MARCO: variants seen among roughly 807,000 people sequenced by gnomAD.
MARCO encodes the protein macrophage receptor MARCO.
MARCO carries 72 observed loss-of-function variants against 70.0 expected under a neutral mutation model. The observed-to-expected ratio is 1.03, with a 90% CI of 0.85 to 1.25. The LOEUF (loss-of-function observed/expected upper bound fraction) is 1.25, where lower values mean the gene tolerates loss of function less well. Among genes scored for constraint, MARCO ranks in the 50% most tolerant of loss-of-function variants. The pLI is 0.00. For missense variants in MARCO, 696 were observed against 659.3 expected (o/e 1.06, Z -0.61); for synonymous variants, 273 against 243.1 (o/e 1.12, Z -1.14).
At chr2:118,955,049 GA>G (rs34589569) in intron 1 of MARCO, among the ~76,000 whole-genome samples, 45,753 of 141,388 alleles carry the variant, frequency 0.32, 9,307 homozygotes, top group African/African-American at 0.59. Flanking sequence ...GCCAAAAATA[GA>G]AAAAAAAAAA....
chr2:118,969,819 A>G (rs1680127121), intron 2 of MARCO, among the ~76,000 whole-genome samples: 3 of 152,210 alleles, frequency 2.0e-5, no homozygotes, highest in Non-Finnish European at 2.9e-5. Flanking sequence ...ATCTACACCC[A>G]GAGCATGCAG....
intron 1 of MARCO, among the ~76,000 whole-genome samples, chr2:118,965,530 T>C (rs577968112): frequency 1.3e-5 from 2 of 152,244 alleles, no homozygotes; most frequent in Non-Finnish European, 1.5e-5. Context: ...TTTTAACATC[T>C]GTGTCATCTC....
At chr2:118,986,802 G>A (rs1680527330) in intron 12 of MARCO, among the ~76,000 whole-genome samples, 1 of 151,766 alleles carries the variant, frequency 6.6e-6, no homozygotes, top group Non-Finnish European at 1.5e-5. Context: ...AGAAAAGAAA[G>A]GGAAAGAAAG....
chr2:118,978,056 G>A, intron 8 of MARCO, 121 bp downstream of exon 8: 3 of 611,336 alleles, frequency 4.9e-6, no homozygotes, highest in Non-Finnish European at 8.8e-6. Context: ...CTGTCTATGG[G>A]AATCTCTGGA....
Position 118,957,802 on chromosome 2 carries a change from T to G in MARCO, c.98-11358T>G, listed in dbSNP as rs372432538. On this transcript the variant is annotated intron_variant, in intron 1 of 16. Coordinates refer to ENST00000327097, the MANE Select transcript of MARCO (RefSeq NM_006770.4). Reference sequence around the variant, plus strand: ...TGGATATCATAAAGATAATCCACCATGGATCAAGTGGGTTTCATAGCAGGG... The same window carrying G: ...TGGATATCATAAAGATAATCCACCAGGGATCAAGTGGGTTTCATAGCAGGG... 2.6e-5 allele frequency among the ~76,000 whole-genome samples: 4 copies of G among 152,196 alleles called. No individual in the cohort carries two copies. In the East Asian group the frequency reaches 7.7e-4, roughly 29 times the overall value.
intron 1 of MARCO, among the ~76,000 whole-genome samples, chr2:118,950,124 C>T (rs186117940): frequency 6.6e-6 from 1 of 152,158 alleles, no homozygotes; most frequent in African/African-American, 2.4e-5. Context: ...TTTGACAGTG[C>T]TTCGTATATG....
chr2:118,953,241 T>C (rs56292758), intron 1 of MARCO, among the ~76,000 whole-genome samples: 1,617 of 152,312 alleles, frequency 0.011, 32 homozygotes, highest in African/African-American at 0.037. Flanking sequence ...TGTGAGCACA[T>C]TCAACAGTTA....
At chr2:118,993,046 A>G in intron 15 of MARCO, 78 bp from the exon 16 acceptor site, 1 of 1,268,070 alleles carries the variant, frequency 7.9e-7, no homozygotes, top group Non-Finnish European at 1.1e-6. Flanking sequence ...GAACTCCAAA[A>G]TGAAAAGAAA....
At chr2:118,969,994 A>T in intron 2 of MARCO, 120 bp from the exon 3 acceptor site, 3 of 846,848 alleles carry the variant, frequency 3.5e-6, no homozygotes, top group Non-Finnish European at 1.9e-6. Flanking sequence ...TCCTGACAGC[A>T]CATGGAATTT....
chr2:118,971,124 G>T (rs944951621), intron 3 of MARCO, among the ~76,000 whole-genome samples: 1 of 152,268 alleles, frequency 6.6e-6, no homozygotes, highest in South Asian at 2.1e-4. Flanking sequence ...AGGAGTCCAC[G>T]TTCAGACACA....
rs747544419 is a variant in MARCO, at chr2:118,982,423, G to T, written c.1063+13G>T. 2.1e-5 allele frequency: 34 copies of T among 1,613,460 alleles called. No homozygotes were observed. The highest frequency in any genetic ancestry group is 2.8e-5 in the Non-Finnish European group (33 of 1,179,510). On this transcript the variant is annotated intron_variant, in intron 12 of 16. Coordinates refer to ENST00000327097, the MANE Select transcript of MARCO (RefSeq NM_006770.4). ...AAAGGGGACACAGGTAACAGAGGGT[G>T]CAGTGGGTGAGTAGGTGGGCTTGCT...
intron 1 of MARCO, among the ~76,000 whole-genome samples, chr2:118,957,105 C>T (rs774947185): frequency 7.2e-5 from 11 of 151,760 alleles, no homozygotes; most frequent in African/African-American, 1.9e-4. Flanking sequence ...ACAAACCAAA[C>T]GCAAACCCAG....
In MARCO at chr2:118,992,352, G is replaced by A. The variant is rs80199824; in HGVS notation, c.1208-80G>A. 6.9e-3 allele frequency: 8,112 copies of A among 1,181,904 alleles called. 392 individuals are homozygous for A. The African/African-American group carries it at 0.11, about 16-fold the overall frequency. 73.2% of individuals were successfully genotyped at this position (1,181,904 alleles called of 1,614,324 possible). ...TCTGACCACTCCCAACCCTCCACCC[G>A]CTCCCCACTCATGCAAATGCAGGCA... On this transcript the variant is annotated intron_variant, in intron 14 of 16. Transcript: ENST00000327097.
chr2:118,994,339 C>T (rs367618695), intron 16 of MARCO, 48 bp from the exon 17 acceptor site: 3 of 1,611,914 alleles, frequency 1.9e-6, no homozygotes, highest in Non-Finnish European at 2.5e-6. Context: ...TTTGCTTTGA[C>T]TCTAATCCTA....
Position 118,974,329 on chromosome 2 carries a change from T to G in MARCO, c.461-4T>G, listed in dbSNP as rs1003072447. 3 of 1,578,824 alleles carry G rather than the reference T, an allele frequency of 1.9e-6. No homozygotes were observed. The highest frequency in any genetic ancestry group is 2.6e-6 in the Non-Finnish European group (3 of 1,156,428). On this transcript the variant is annotated splice_region_variant and splice_polypyrimidine_tract_variant and intron_variant, in intron 4 of 16. Coordinates refer to ENST00000327097, the MANE Select transcript of MARCO (RefSeq NM_006770.4). ...TCATTAGTGTCTCTGTTCCTCTTCC[T>G]CAGGTCTTCAAGGTCACAAGGGGGC...
intron 12 of MARCO, among the ~76,000 whole-genome samples, chr2:118,984,196 C>G (rs1680445084): frequency 6.6e-6 from 1 of 152,198 alleles, no homozygotes; most frequent in South Asian, 2.1e-4. Context: ...GACACCTCCT[C>G]CCTTCATCCC....
At chr2:118,986,586 G>GAAGAAAGAAAGAAGGA (rs1680489553) in intron 12 of MARCO, among the ~76,000 whole-genome samples, 2 of 46,728 alleles carry the variant, frequency 4.3e-5, no homozygotes, top group Non-Finnish European at 7.4e-5. Context: ...GGGAAGGAAA[G>GAAGAAAGAAAGAAGGA]AAGAAAGAAA....
At chr2:118,988,678 A>T (rs909171998) in intron 12 of MARCO, among the ~76,000 whole-genome samples, 1 of 152,114 alleles carries the variant, frequency 6.6e-6, no homozygotes, top group Admixed American at 6.5e-5. Flanking sequence ...CGCCCAACCC[A>T]TCTTGGCGTA....
intron 6 of MARCO, among the ~76,000 whole-genome samples, chr2:118,975,307 G>A (rs1680258963): frequency 6.6e-6 from 1 of 152,196 alleles, no homozygotes; most frequent in African/African-American, 2.4e-5. Context: ...GCTGGGATGT[G>A]AAGATGCGAA....
Sources: allele counts gnomAD v4.1 joint callset (sites outside exome capture counted in the v4.1 genomes callset), GRCh38; gene constraint gnomAD v4.1.1; transcripts MANE v1.5; gene names NCBI Gene and HGNC (gene_info 2026-07-23, HGNC 2026-07-21).